Variants in PPL observed in about 807,000 individuals in gnomAD.
The protein encoded by PPL is periplakin.
PPL carries 198 observed loss-of-function variants against 194.4 expected under a neutral mutation model. That is an observed-to-expected ratio of 1.02 (90% CI 0.91 to 1.15). The LOEUF (loss-of-function observed/expected upper bound fraction) is 1.15. PPL is among the 50% of genes most tolerant of loss of function. The probability of loss-of-function intolerance (pLI) is 0.00; values close to 1 mark genes in which losing one functional copy is unlikely to be tolerated. For missense variants in PPL, 2,885 were observed against 2,294.8 expected (o/e 1.26, Z -5.25); for synonymous variants, 1,220 against 972.4 (o/e 1.25, Z -4.74).
At chr16:4,920,929 G>C (rs573880001) in intron 1 of PPL, among the ~76,000 whole-genome samples, 2 of 152,148 alleles carry the variant, frequency 1.3e-5, no homozygotes, top group Admixed American at 1.3e-4. Flanking sequence ...TACAATTCGG[G>C]CCTTGCTGGC....
chr16:4,889,044 T>C lies in PPL; in HGVS notation c.2331A>G (p.Ile777Met). Residue 777 changes from isoleucine to methionine, a missense_variant, in exon 19 of 22, where the codon ATA becomes ATG. Ile to Met is a conservative substitution (Grantham distance 10, BLOSUM62 1). Transcript: ENST00000345988. ...TCTGTACTTCCTGCTCCCTACTTGC[T>C]ATCTCATCTAGCAGGTTCTGTAAGA... ...LKNQKNLLDE[I>M]ASREQEVQKI... is the part of the protein sequence containing the mutation. 1 of 1,613,752 alleles carries C rather than the reference T, an allele frequency of 6.2e-7. No individual in the cohort carries two copies. Among genetic ancestry groups the C allele is most frequent in the Non-Finnish European group, 8.5e-7 (1 of 1,179,882 alleles).
chr16:4,923,421 C>T (rs561569601), intron 1 of PPL, among the ~76,000 whole-genome samples: 6 of 152,290 alleles, frequency 3.9e-5, no homozygotes, highest in East Asian at 3.9e-4. Context: ...ATATGCTTCC[C>T]GGCCTCCTGC....
chr16:4,883,816 C>G lies in PPL; in HGVS notation c.4839G>C (p.Trp1613Cys). 6.2e-7 allele frequency: 1 copy of G among 1,614,118 alleles called. No homozygotes were observed. Among genetic ancestry groups the G allele is most frequent in the Non-Finnish European group, 8.5e-7 (1 of 1,180,022 alleles). Residue 1613 changes from tryptophan (W) to cysteine (C), a missense_variant, in exon 22 of 22, where the codon TGG (tryptophan) becomes TGC (cysteine). By Grantham distance (215) the Trp-to-Cys change is radical. Transcript: ENST00000345988. This position sits in a 1 kb window ranked among gnomAD's most constrained non-coding sequence, Gnocchi z 4.8. ...GGTCATCCAGTTCCCTCTCCAGGGA[C>G]CACAGTCTGGAGTCATGGTTGGTCC... is the stretch of plus-strand genomic sequence containing the variant. ...DSGTNHDSRL[W>C]SLERELDDLK...
chr16:4,932,688 G>T (rs1317976969), intron 1 of PPL, among the ~76,000 whole-genome samples: 2 of 152,162 alleles, frequency 1.3e-5, no homozygotes, highest in African/African-American at 4.8e-5. Flanking sequence ...AGAGTGCTGG[G>T]ATTACAGGCG....
In PPL at chr16:4,884,167, C is replaced by T. The variant is rs777104256; in HGVS notation, c.4488G>A (p.Lys1496=). The part of the protein sequence containing the change: ...KLAALEKAEV[K]EKVVLSESVQ... ...CACTCTCGGAGAGCACCACCTTCTC[C>T]TTGACCTCCGCCTTCTCCAGTGCAG... Residue 1496 remains lysine, a synonymous_variant, in exon 22 of 22, where the codon AAG becomes AAA. Transcript: ENST00000345988. The surrounding 1 kb of genome is among the most constrained non-coding windows in gnomAD (Gnocchi z 5.7). The T allele has an allele frequency of 3.2e-5, 51 of 1,613,888 alleles. No individual in the cohort carries two copies. The highest frequency in any genetic ancestry group is 5.0e-5 in the Admixed American group (3 of 60,002).
chr16:4,901,713 T>A (rs1023172878), intron 4 of PPL, among the ~76,000 whole-genome samples: 15 of 127,636 alleles, frequency 1.2e-4, no homozygotes, highest in African/African-American at 4.2e-4. Flanking sequence ...AAATAAATAA[T>A]AAAACTGGGG....
At chr16:4,890,495 C>A (rs1156821095) in intron 17 of PPL, among the ~76,000 whole-genome samples, 161 bp from the exon 18 acceptor site, 1 of 152,108 alleles carries the variant, frequency 6.6e-6, no homozygotes, top group Non-Finnish European at 1.5e-5. Flanking sequence ...TCAGGTTGGA[C>A]TGTGGAGAAC....
intron 16 of PPL, 122 bp downstream of exon 16, chr16:4,891,689 G>T: frequency 7.8e-7 from 1 of 1,283,248 alleles, no homozygotes; most frequent in Middle Eastern, 2.1e-4. Flanking sequence ...TCCCAATTTG[G>T]GCATTCCAAA....
Position 4,900,981 on chromosome 16 carries a change from C to T in PPL, c.547G>A (p.Ala183Thr), listed in dbSNP as rs377027430. The change falls in exon 5 of 22, where the codon GCC becomes ACC. Residue 183 changes from alanine to threonine, a missense_variant. Physicochemically the swap from Ala to Thr is moderately conservative, Grantham distance 58. Coordinates refer to ENST00000345988, the MANE Select transcript of PPL (RefSeq NM_002705.5). ...CGCCCCACCTTGTCCCCGTCCTTGG[C>T]CAGGTGGGGCCCGATGGCCTTGACC... ...NEVKAIGPHL[A>T]KDGDKEQNSE... is the part of the protein sequence containing the mutation. The T allele has an allele frequency of 1.2e-6, 2 of 1,614,056 alleles. No individual in the cohort carries two copies. The highest frequency in any genetic ancestry group is 2.7e-5 in the African/African-American group (2 of 74,950).
At chr16:4,887,251 G>C (rs773252139) in intron 20 of PPL, 24 bp from the exon 21 acceptor site, 4 of 1,575,124 alleles carry the variant, frequency 2.5e-6, no homozygotes, top group Non-Finnish European at 3.5e-6. Context: ...GATTAGGAGA[G>C]CGGTCAACAA....
At chr16:4,908,628 T>G (rs1177406201) in intron 2 of PPL, among the ~76,000 whole-genome samples, 2 of 152,042 alleles carry the variant, frequency 1.3e-5, no homozygotes, top group Non-Finnish European at 2.9e-5. Flanking sequence ...GCCTCAACCT[T>G]CCGGGCTTAA....
chr16:4,925,545 T>G (rs1427294089), intron 1 of PPL, among the ~76,000 whole-genome samples: 8 of 152,194 alleles, frequency 5.3e-5, no homozygotes, highest in Non-Finnish European at 1.2e-4. Flanking sequence ...AAAAAGAACT[T>G]ACTCACCTTT....
Position 4,894,624 on chromosome 16 carries a change from G to T in PPL, c.1243-6C>A. On this transcript the variant is annotated splice_polypyrimidine_tract_variant and splice_region_variant and intron_variant, in intron 11 of 21. Coordinates refer to ENST00000345988, the MANE Select transcript of PPL (RefSeq NM_002705.5). ...TAGCCCCGCGAGATCAGGCCCTGGC[G>T]GGGGCAGGCTGGACAGTCAGGATCC... is the stretch of plus-strand genomic sequence containing the variant. 1.2e-6 allele frequency: 2 copies of T among 1,611,790 alleles called. No individual in the cohort carries two copies. Among genetic ancestry groups the T allele is most frequent in the Non-Finnish European group, 1.7e-6 (2 of 1,179,658 alleles).
chr16:4,893,806 C>T (rs1568001768), intron 12 of PPL, 168 bp from the exon 13 acceptor site: 1 of 599,000 alleles, frequency 1.7e-6, no homozygotes, highest in Admixed American at 3.0e-5. Context: ...TGCTCCTGGG[C>T]TCAGAGCTCT....
chr16:4,901,747 C>A (rs1455188348), intron 4 of PPL, among the ~76,000 whole-genome samples: 1 of 149,788 alleles, frequency 6.7e-6, no homozygotes, highest in Non-Finnish European at 1.5e-5. Flanking sequence ...TGAGACCAGC[C>A]TGGCCAATGT....
chr16:4,890,230 TC>T lies in PPL; in HGVS notation c.2266del (p.Glu756ArgfsTer12). 6.2e-7 allele frequency: 1 copy of T among 1,614,164 alleles called. No individual in the cohort carries two copies. Among genetic ancestry groups the T allele is most frequent in the Non-Finnish European group, 8.5e-7 (1 of 1,180,034 alleles). ...CTCCATCTGGCTGAGGCTGTCTGTCTCCTGGGGCTCGTAACTGGGGATGCTG... is the reference window on the plus strand; with the variant it reads ...CTCCATCTGGCTGAGGCTGTCTGTCTCTGGGGCTCGTAACTGGGGATGCTG... ...LVSIPSYEPQ[E>X]TDSLSQMETK... On this transcript the variant is annotated frameshift_variant, in exon 18 of 22. Coordinates refer to ENST00000345988, the MANE Select transcript of PPL (RefSeq NM_002705.5). LOFTEE classifies it high-confidence loss of function.
rs2089310545 is a variant in PPL at position 4,937,098 on chromosome 16, G to GGGGCGGGCGGGAGCGCAGGT, written c.-73_-54dup. 1 of 1,180,052 alleles carries GGGGCGGGCGGGAGCGCAGGT rather than the reference G, an allele frequency of 8.5e-7. No individual in the cohort carries two copies. 73.1% of individuals were successfully genotyped at this position (1,180,052 alleles called of 1,614,324 possible). Reference sequence around the variant, plus strand: ...GGCTGGCGGGCCGGGCGCGCACCGAGGGGCGGGCGGGAGCGCAGGTGAGCG... The same window carrying GGGGCGGGCGGGAGCGCAGGT: ...GGCTGGCGGGCCGGGCGCGCACCGAGGGGCGGGCGGGAGCGCAGGTGGGCGGGCGGGAGCGCAGGTGAGCG... On this transcript the variant is annotated 5_prime_UTR_variant, in exon 1 of 22. Transcript: ENST00000345988.
At chr16:4,928,456 T>C (rs1212870660) in intron 1 of PPL, among the ~76,000 whole-genome samples, 1 of 152,238 alleles carries the variant, frequency 6.6e-6, no homozygotes, top group Non-Finnish European at 1.5e-5. Flanking sequence ...AGAGGGTTTT[T>C]GTCATGCTTT....
Position 4,893,323 on chromosome 16 carries a change from C to G in PPL, c.1540G>C (p.Val514Leu), listed in dbSNP as rs145367657. The change falls in exon 14 of 22, where the codon GTG becomes CTG. Residue 514 changes from valine (V) to leucine (L), a missense_variant. Coordinates refer to ENST00000345988, the MANE Select transcript of PPL (RefSeq NM_002705.5). ...TCCTGCCGGTCCAGGTCGCTGGCCA[C>G]CTTGTCCAAGCCAGCCAGCAGCTGC... ...GRQLLAGLDKVASDLDRQEKA... is the reference protein window; with the variant it reads ...GRQLLAGLDKLASDLDRQEKA... 2 of 1,608,486 alleles carry G rather than the reference C, an allele frequency of 1.2e-6. No individual in the cohort carries two copies. Among genetic ancestry groups the G allele is most frequent in the African/African-American group, 2.7e-5 (2 of 74,910 alleles).
Sources: gnomAD v4.1 joint callset for allele counts (sites outside exome capture counted in the v4.1 genomes callset) on GRCh38, gnomAD v4.1.1 for gene constraint, Gnocchi (gnomAD v3.1) non-coding constraint, MANE v1.5 for transcripts, NCBI Gene and HGNC (gene_info 2026-07-23, HGNC 2026-07-21) for gene names.